COL26A1: variants seen among roughly 807,000 people sequenced by gnomAD.
The protein encoded by COL26A1 is collagen alpha-1(XXVI) chain.
In COL26A1, 41 loss-of-function variants were observed where a neutral mutation model predicts 59.3. The observed-to-expected ratio is 0.69, with a 90% CI of 0.54 to 0.90. The LOEUF is 0.90. Ranked by LOEUF, COL26A1 falls within the 40% of genes least tolerant of loss-of-function variation. COL26A1 has a pLI of 0.00. For missense variants in COL26A1, 612 were observed against 602.3 expected (o/e 1.02, Z -0.17); for synonymous variants, 266 against 256.0 (o/e 1.04, Z -0.37).
At chr7:101,444,277 A>AATAAACCCACTTTGGGTTTATTGT (rs1177214334) in intron 2 of COL26A1, among the ~76,000 whole-genome samples, 1 of 152,040 alleles carries the variant, frequency 6.6e-6, no homozygotes, top group Non-Finnish European at 1.5e-5. Context: ...GTGGGTGTTC[A>AATAAACCCACTTTGGGTTTATTGT]ATAAACCCAC....
intron 3 of COL26A1, among the ~76,000 whole-genome samples, chr7:101,450,492 T>G (rs1275334788): frequency 6.6e-6 from 1 of 152,116 alleles, no homozygotes; most frequent in Admixed American, 6.6e-5. Flanking sequence ...CTGTGTGGCA[T>G]GGTCGAAGGT....
chr7:101,492,744 AAAT>A (rs1794491012), intron 3 of COL26A1, among the ~76,000 whole-genome samples: 1 of 126,974 alleles, frequency 7.9e-6, no homozygotes, highest in Admixed American at 7.6e-5. Context: ...ATAAATAAAT[AAAT>A]AATAAAAATA....
chr7:101,456,655 C>T (rs1026778666), intron 3 of COL26A1, among the ~76,000 whole-genome samples: 3 of 151,798 alleles, frequency 2.0e-5, no homozygotes, highest in African/African-American at 4.8e-5. Context: ...AAGAGCAAAA[C>T]TCCATCTCAA....
intron 3 of COL26A1, among the ~76,000 whole-genome samples, chr7:101,473,364 C>T (rs903577865): frequency 6.6e-6 from 1 of 152,132 alleles, no homozygotes; most frequent in Non-Finnish European, 1.5e-5. Context: ...GCGTGAGCCA[C>T]TGCGCCCGGC....
chr7:101,519,939 A>G (rs1795106057), intron 3 of COL26A1, among the ~76,000 whole-genome samples: 1 of 152,114 alleles, frequency 6.6e-6, no homozygotes, highest in Non-Finnish European at 1.5e-5. Context: ...CAGTCCAGGC[A>G]GGGCTACAGG....
At chr7:101,401,508 A>G (rs1791994319) in intron 1 of COL26A1, among the ~76,000 whole-genome samples, 1 of 148,478 alleles carries the variant, frequency 6.7e-6, no homozygotes, top group Admixed American at 6.7e-5. Flanking sequence ...AAGGAAGAGG[A>G]GGGGGAGCAG....
At chr7:101,387,774 A>ACTTTTTTTTTTTTTTTTT (rs1791625445) in intron 1 of COL26A1, among the ~76,000 whole-genome samples, 1 of 48,902 alleles carries the variant, frequency 2.0e-5, no homozygotes. Flanking sequence ...ATATATATAT[A>ACTTTTTTTTTTTTTTTTT]TATATTTTTT....
chr7:101,457,636 G>A (rs1043293373), intron 3 of COL26A1, among the ~76,000 whole-genome samples: 5 of 152,148 alleles, frequency 3.3e-5, no homozygotes, highest in African/African-American at 1.2e-4. Context: ...TTCACTCACT[G>A]TCATAATCTT....
At chr7:101,463,889 CTT>C (rs1450043032) in intron 3 of COL26A1, among the ~76,000 whole-genome samples, 2 of 79,742 alleles carry the variant, frequency 2.5e-5, no homozygotes, top group Non-Finnish European at 4.7e-5. Context: ...TTCTTTCTTT[CTT>C]TCTTTCTTTC....
intron 11 of COL26A1, among the ~76,000 whole-genome samples, chr7:101,555,226 A>G (rs1220742351): frequency 6.6e-6 from 1 of 152,074 alleles, no homozygotes; most frequent in East Asian, 1.9e-4. Context: ...CCCTTGAAAT[A>G]CAGACTCTGC....
intron 3 of COL26A1, 66 bp from the exon 4 acceptor site, chr7:101,533,016 G>T (rs982047459): frequency 4.1e-5 from 52 of 1,254,034 alleles, no homozygotes; most frequent in Non-Finnish European, 5.2e-5. Flanking sequence ...GGCTATCCTG[G>T]TGACTGGGCT....
At chr7:101,445,727 G>A (rs1315774480) in intron 2 of COL26A1, among the ~76,000 whole-genome samples, 3 of 49,630 alleles carry the variant, frequency 6.0e-5, no homozygotes, top group East Asian at 7.3e-4. Flanking sequence ...GCGAGACTCC[G>A]TCTCAAAAAA....
intron 2 of COL26A1, among the ~76,000 whole-genome samples, chr7:101,438,052 A>T (rs115224760): frequency 0.016 from 2,339 of 144,584 alleles, 77 homozygotes; most frequent in African/African-American, 0.055. Flanking sequence ...AGGTTCAAGG[A>T]CATTTCTGCT....
intron 1 of COL26A1, among the ~76,000 whole-genome samples, chr7:101,373,893 C>T (rs1391165414): frequency 6.6e-6 from 1 of 152,176 alleles, no homozygotes; most frequent in African/African-American, 2.4e-5. Context: ...CCCAGAGAAA[C>T]AATTCCTATG....
intron 1 of COL26A1, among the ~76,000 whole-genome samples, chr7:101,369,048 G>A (rs1303616700): frequency 1.3e-5 from 2 of 151,990 alleles, no homozygotes; most frequent in Admixed American, 6.6e-5. Flanking sequence ...GAGGTAATAT[G>A]CTAGTTACTC....
At chr7:101,478,140 G>A (rs1272198474) in intron 3 of COL26A1, among the ~76,000 whole-genome samples, 4 of 151,952 alleles carry the variant, frequency 2.6e-5, no homozygotes, top group Non-Finnish European at 4.4e-5. Context: ...TCACCACTAC[G>A]CCCACCTAAT....
intron 3 of COL26A1, among the ~76,000 whole-genome samples, chr7:101,476,142 T>TTGTGTGTG (rs56666965): frequency 1.7e-3 from 249 of 146,334 alleles, no homozygotes; most frequent in African/African-American, 5.7e-3. Context: ...TCCCAGCTAA[T>TTGTGTGTG]TGTGTGTGTG....
intron 1 of COL26A1, among the ~76,000 whole-genome samples, chr7:101,397,538 C>T (rs981742920): frequency 7.8e-6 from 1 of 128,194 alleles, no homozygotes; most frequent in Non-Finnish European, 1.8e-5. Flanking sequence ...TCCTCCCCCC[C>T]CCTCCTTTTT....
At chr7:101,479,806 A>G (rs141709734) in intron 3 of COL26A1, among the ~76,000 whole-genome samples, 1 of 152,294 alleles carries the variant, frequency 6.6e-6, no homozygotes, top group East Asian at 1.9e-4. Flanking sequence ...ATCATTGTAC[A>G]TATTTTGGGA....
Sources: allele counts gnomAD v4.1 joint callset (sites outside exome capture counted in the v4.1 genomes callset), GRCh38; gene constraint gnomAD v4.1.1; transcripts MANE v1.5; gene names NCBI Gene and HGNC (gene_info 2026-07-23, HGNC 2026-07-21).